The following GPC5 variants were observed in gnomAD, a reference collection of about 807,000 sequenced individuals.
The protein encoded by GPC5 is glypican-5.
Under a neutral mutation model 53.9 loss-of-function variants are expected in GPC5, and 47 were observed. The observed-to-expected ratio is 0.87, with a 90% CI of 0.69 to 1.11. The LOEUF is 1.11. Ranked by LOEUF, GPC5 falls within the 50% of genes most tolerant of loss-of-function variation. The pLI is 0.00. For missense variants in GPC5, 748 were observed against 713.1 expected (o/e 1.05, Z -0.56); for synonymous variants, 286 against 263.3 (o/e 1.09, Z -0.84).
intron 6 of GPC5, among the ~76,000 whole-genome samples, chr13:92,059,650 T>C (rs950407357): frequency 1.3e-5 from 2 of 152,052 alleles, no homozygotes; most frequent in Non-Finnish European, 2.9e-5. Flanking sequence ...AGTATGTACC[T>C]TTATTTAGCC....
rs1371783228 is a variant in GPC5, at chr13:91,571,772, TATACACACAC to T, written c.326-121411_326-121402del. Among the ~76,000 whole-genome samples, 764 of 134,932 alleles carry T rather than the reference TATACACACAC, an allele frequency of 5.7e-3. 17 individuals are homozygous for T. Among genetic ancestry groups the T allele is most frequent in the Middle Eastern group, 0.013 (3 of 240 alleles). The allele number at this position is 134,932 out of a possible 152,430, so 88.5% of individuals were successfully genotyped here. The stretch of plus-strand genomic sequence containing the variant: ...ACACACATATACATGTGTATGTGTA[TATACACACAC>T]ATATACGTGTGTGTATATATACACA... On this transcript the variant is annotated intron_variant, in intron 2 of 7. Transcript: ENST00000377067.
At chr13:92,076,944 A>G (rs2041256726) in intron 6 of GPC5, among the ~76,000 whole-genome samples, 1 of 152,212 alleles carries the variant, frequency 6.6e-6, no homozygotes, top group African/African-American at 2.4e-5. Flanking sequence ...GGCAGCCACT[A>G]TAAGACTTCA....
At chr13:91,769,940 C>T (rs2037591678) in intron 5 of GPC5, among the ~76,000 whole-genome samples, 1 of 152,140 alleles carries the variant, frequency 6.6e-6, no homozygotes, top group Admixed American at 6.6e-5. Context: ...ACAGACCTCA[C>T]ATGTTAAGGG....
chr13:92,674,036 T>C (rs557002082), intron 7 of GPC5, among the ~76,000 whole-genome samples: 1 of 152,326 alleles, frequency 6.6e-6, no homozygotes, highest in African/African-American at 2.4e-5. Flanking sequence ...AAGGGACCTA[T>C]TTCAGCCCCA....
intron 7 of GPC5, among the ~76,000 whole-genome samples, chr13:92,491,984 T>C (rs1428731388): frequency 6.6e-6 from 1 of 152,134 alleles, no homozygotes; most frequent in Non-Finnish European, 1.5e-5. Context: ...GTTTTTTTTA[T>C]CTTTTCAGTC....
chr13:91,569,472 G>A (rs140466217), intron 2 of GPC5, among the ~76,000 whole-genome samples: 4 of 152,158 alleles, frequency 2.6e-5, no homozygotes, highest in East Asian at 1.9e-4. Context: ...CCTTTGGAGC[G>A]TCGTTAACAA....
At chr13:91,574,128 A>G (rs1246716189) in intron 2 of GPC5, among the ~76,000 whole-genome samples, 1 of 152,188 alleles carries the variant, frequency 6.6e-6, no homozygotes, top group Non-Finnish European at 1.5e-5. Context: ...ATTTGTATAC[A>G]AGTTGAATAC....
chr13:91,491,056 T>G (rs893086371), intron 2 of GPC5, among the ~76,000 whole-genome samples: 2 of 152,196 alleles, frequency 1.3e-5, no homozygotes, highest in Non-Finnish European at 2.9e-5. Context: ...GAAACCTCTG[T>G]GTTTAATTTA....
intron 7 of GPC5, among the ~76,000 whole-genome samples, chr13:92,504,094 C>T (rs750006872): frequency 7.9e-5 from 12 of 151,872 alleles, no homozygotes; most frequent in Non-Finnish European, 1.3e-4. Flanking sequence ...ACTGTGTTTA[C>T]TCACGTAAGA....
chr13:91,563,762 C>T (rs1349757371), intron 2 of GPC5, among the ~76,000 whole-genome samples: 1 of 152,070 alleles, frequency 6.6e-6, no homozygotes, highest in Non-Finnish European at 1.5e-5. Flanking sequence ...CTTCCCTCCT[C>T]AGGCTTTTCC....
chr13:92,354,877 A>AG (rs2043509370), intron 7 of GPC5, among the ~76,000 whole-genome samples: 1 of 152,122 alleles, frequency 6.6e-6, no homozygotes, highest in East Asian at 1.9e-4. Context: ...ATTCAACTGG[A>AG]GAGGAGTAGA....
At chr13:92,616,962 C>T (rs1230862921) in intron 7 of GPC5, among the ~76,000 whole-genome samples, 5 of 152,020 alleles carry the variant, frequency 3.3e-5, no homozygotes, top group Admixed American at 6.6e-5. Context: ...GAATATAATA[C>T]ATACATATAA....
chr13:92,853,560 CA>C (rs1169005490), intron 7 of GPC5, among the ~76,000 whole-genome samples: 5 of 151,976 alleles, frequency 3.3e-5, no homozygotes, highest in Non-Finnish European at 5.9e-5. Context: ...TTTAAACAAA[CA>C]AAAACAATAA....
At chr13:91,441,088 A>G (rs1880384995) in intron 1 of GPC5, among the ~76,000 whole-genome samples, 1 of 152,220 alleles carries the variant, frequency 6.6e-6, no homozygotes, top group South Asian at 2.1e-4. Context: ...AGAGATAGAA[A>G]ACTAATCCCC....
intron 7 of GPC5, among the ~76,000 whole-genome samples, chr13:92,782,851 T>C (rs1031304456): frequency 6.6e-6 from 1 of 152,120 alleles, no homozygotes; most frequent in East Asian, 1.9e-4. Flanking sequence ...TTCTTATGAT[T>C]CATAGCATGC....
chr13:92,224,833 T>C (rs1214138892), intron 7 of GPC5, among the ~76,000 whole-genome samples: 1 of 152,220 alleles, frequency 6.6e-6, no homozygotes, highest in Non-Finnish European at 1.5e-5. Context: ...AGCTTGTGCC[T>C]GGTTTCTTAC....
intron 7 of GPC5, among the ~76,000 whole-genome samples, chr13:92,762,456 C>T (rs1376797235): frequency 6.6e-6 from 1 of 152,060 alleles, no homozygotes; most frequent in Non-Finnish European, 1.5e-5. Context: ...ATTTGTCTAA[C>T]AAAGATTTTC....
intron 7 of GPC5, among the ~76,000 whole-genome samples, chr13:92,388,610 T>A (rs1170485176): frequency 6.6e-6 from 1 of 152,124 alleles, no homozygotes; most frequent in African/African-American, 2.4e-5. Context: ...TGAGGAACCA[T>A]GGAGTATATC....
chr13:92,111,289 C>T (rs2041554648), intron 6 of GPC5, among the ~76,000 whole-genome samples: 1 of 152,092 alleles, frequency 6.6e-6, no homozygotes, highest in Non-Finnish European at 1.5e-5. Context: ...AAGTCAAAGG[C>T]AAATGGCATA....
Sources: allele counts gnomAD v4.1 joint callset (sites outside exome capture counted in the v4.1 genomes callset), GRCh38; gene constraint gnomAD v4.1.1; transcripts MANE v1.5; gene names NCBI Gene and HGNC (gene_info 2026-07-23, HGNC 2026-07-21).